KCNQ2: variants seen among roughly 807,000 people sequenced by gnomAD.
The protein encoded by KCNQ2 is potassium voltage-gated channel subfamily KQT member 2.
Under a neutral mutation model 84.8 loss-of-function variants are expected in KCNQ2, and 14 were observed. The ratio of observed to expected loss-of-function variants is 0.17; its 90% CI spans 0.11 to 0.26. The LOEUF (loss-of-function observed/expected upper bound fraction) is 0.26. Among genes scored for constraint, KCNQ2 ranks in the 10% least tolerant of loss-of-function variants. KCNQ2 has a pLI of 1.00. For missense variants in KCNQ2, 788 were observed against 1,254.0 expected, an observed-to-expected ratio of 0.63 and a Z score of 5.61; for synonymous variants, 599 against 554.1, an observed-to-expected ratio of 1.08 and a Z score of -1.14.
At chr20:63,430,237 C>T (rs576035611) in intron 9 of KCNQ2, among the ~76,000 whole-genome samples, 22 of 152,188 alleles carry the variant, frequency 1.4e-4, no homozygotes, top group Admixed American at 4.6e-4. Context: ...GGGGAGGGGG[C>T]GGCCCTGGGA....
chr20:63,469,783 A>G (rs6011847), intron 1 of KCNQ2, among the ~76,000 whole-genome samples: 146,192 of 152,370 alleles, frequency 0.96, 70,314 homozygotes, highest in East Asian at 1. Context: ...GCTGCCTAAC[A>G]CGCCACACGG....
chr20:63,443,027 A>ACCACCACCAAAAC (rs1440753484), intron 4 of KCNQ2, among the ~76,000 whole-genome samples: 1 of 29,398 alleles, frequency 3.4e-5, no homozygotes, highest in Non-Finnish European at 7.0e-5. Context: ...CACCACCATC[A>ACCACCACCAAAAC]CATCACCACC....
At chr20:63,453,056 C>G (rs1490290477) in intron 1 of KCNQ2, among the ~76,000 whole-genome samples, 2 of 152,040 alleles carry the variant, frequency 1.3e-5, no homozygotes, top group Non-Finnish European at 2.9e-5. Context: ...CCACGCTGCA[C>G]CCCTCCCCGC....
chr20:63,407,308 G>T lies in KCNQ2; in HGVS notation c.1955C>A (p.Pro652Gln), dbSNP rs770730662. Residue 652 changes from proline to glutamine, a missense_variant, in exon 17 of 17, where the codon CCG (proline) becomes CAG (glutamine). Coordinates refer to ENST00000359125, the MANE Select transcript of KCNQ2 (RefSeq NM_172107.4). The surrounding 1 kb of genome is among the most constrained non-coding windows in gnomAD (Gnocchi z 7.2). ...NIYMQRMGIP[P>Q]TETEAYFGAK... ...CCCAAAGTAGGCCTCGGTCTCTGTC[G>T]GGGGGATGCCCATCCGCTGCATGTA... The T allele has an allele frequency of 6.3e-7, 1 of 1,596,038 alleles. No individual in the cohort carries two copies. Among genetic ancestry groups the T allele is most frequent in the South Asian group, 1.1e-5 (1 of 90,948 alleles).
intron 15 of KCNQ2, among the ~76,000 whole-genome samples, chr20:63,413,054 C>T (rs765210963): frequency 2.0e-5 from 3 of 152,168 alleles, no homozygotes; most frequent in Non-Finnish European, 4.4e-5. Context: ...CACATGCACA[C>T]ATGTGTACAC....
At chr20:63,443,141 C>CCA (rs2081281409) in intron 4 of KCNQ2, among the ~76,000 whole-genome samples, 1 of 64,368 alleles carries the variant, frequency 1.6e-5, no homozygotes, top group Non-Finnish European at 3.0e-5. Flanking sequence ...ACCATCATCA[C>CCA]CACCACCATC....
At chr20:63,443,334 T>TCACCATCACCACCAC (rs2081300955) in intron 4 of KCNQ2, among the ~76,000 whole-genome samples, 1 of 40,190 alleles carries the variant, frequency 2.5e-5, no homozygotes, top group Non-Finnish European at 4.7e-5. Context: ...ACCATCACCA[T>TCACCATCACCACCAC]CACCACCATC....
In KCNQ2 at chr20:63,400,860, G is replaced by A. The variant is rs146233427; in HGVS notation, c.*5784C>T. Reference sequence around the variant, plus strand: ...AGCCCGTCCCTTGGGCCCCTCGCCCGCCCCACCTGTTCGCAGGGTCCAGGG... The same window carrying A: ...AGCCCGTCCCTTGGGCCCCTCGCCCACCCCACCTGTTCGCAGGGTCCAGGG... On this transcript the variant is annotated 3_prime_UTR_variant, in exon 17 of 17. Coordinates refer to ENST00000359125, the MANE Select transcript of KCNQ2 (RefSeq NM_172107.4). This position sits in a 1 kb window ranked among gnomAD's most constrained non-coding sequence, Gnocchi z 8.7. The A allele has an allele frequency of 9.7e-4, 388 of 398,428 alleles. 2 individuals are homozygous for A. Among genetic ancestry groups the A allele is most frequent in the African/African-American group, 3.5e-3 (173 of 48,752 alleles). 24.7% of individuals were successfully genotyped at this position (398,428 alleles called of 1,614,324 possible).
intron 3 of KCNQ2, 128 bp from the exon 4 acceptor site, chr20:63,444,962 TG>T: frequency 8.8e-7 from 1 of 1,138,058 alleles, no homozygotes; most frequent in Non-Finnish European, 1.2e-6. Context: ...GCGCCTGGTG[TG>T]GGCTCTGTCA....
At chr20:63,462,220 T>A (rs1424018764) in intron 1 of KCNQ2, among the ~76,000 whole-genome samples, 1 of 115,348 alleles carries the variant, frequency 8.7e-6, no homozygotes, top group East Asian at 2.6e-4. Flanking sequence ...GGGAGGAGGC[T>A]GCATCTACCC....
At chr20:63,462,474 C>T (rs2081982942) in intron 1 of KCNQ2, among the ~76,000 whole-genome samples, 1 of 152,180 alleles carries the variant, frequency 6.6e-6, no homozygotes, top group African/African-American at 2.4e-5. Flanking sequence ...ACATCAACCA[C>T]CTGAGCAGCA....
intron 7 of KCNQ2, chr20:63,437,451 A>G (rs2081040339): frequency 6.6e-6 from 1 of 152,262 alleles, no homozygotes; most frequent in Non-Finnish European, 1.5e-5. Flanking sequence ...AGATAAATAC[A>G]CACCTTAAGG....
chr20:63,409,606 A>G (rs1052701728), intron 15 of KCNQ2, among the ~76,000 whole-genome samples: 1 of 152,234 alleles, frequency 6.6e-6, no homozygotes, highest in African/African-American at 2.4e-5. Flanking sequence ...GGTGTGGCTG[A>G]GCAGGACCCA....
At chr20:63,454,166 G>A (rs532814089) in intron 1 of KCNQ2, among the ~76,000 whole-genome samples, 19 of 152,234 alleles carry the variant, frequency 1.2e-4, no homozygotes, top group African/African-American at 4.6e-4. Context: ...GATGAATCTC[G>A]CAGCCAGGCC....
intron 4 of KCNQ2, among the ~76,000 whole-genome samples, chr20:63,443,185 TCAC>T (rs201627426): frequency 0.094 from 6,176 of 65,502 alleles, 490 homozygotes; most frequent in East Asian, 0.47. Context: ...ACCATCACCA[TCAC>T]CACCACCACC....
chr20:63,421,198 C>CCCGGG (rs1288964387), intron 11 of KCNQ2, among the ~76,000 whole-genome samples: 1 of 152,264 alleles, frequency 6.6e-6, no homozygotes, highest in Non-Finnish European at 1.5e-5. Flanking sequence ...AGAGGCCCCT[C>CCCGGG]CCGGGCCGGC....
In KCNQ2 at chr20:63,440,038, T is replaced by C. The variant is rs550665228; in HGVS notation, c.817-330A>G. On this transcript the variant is annotated intron_variant, in intron 5 of 16. Transcript: ENST00000359125. Reference sequence around the variant, plus strand: ...CACTGCATCCCCGCCAGGTGAAGAGTGCAGCTGGGGAGAAGGGAGTGCCCA... The same window carrying C: ...CACTGCATCCCCGCCAGGTGAAGAGCGCAGCTGGGGAGAAGGGAGTGCCCA... Among the ~76,000 whole-genome samples, 3 of 151,640 alleles carry C rather than the reference T, an allele frequency of 2.0e-5. No individual in the cohort carries two copies. The East Asian group carries it at 5.9e-4, about 30-fold the overall frequency.
At chr20:63,461,923 C>A (rs74662710) in intron 1 of KCNQ2, among the ~76,000 whole-genome samples, 1 of 101,850 alleles carries the variant, frequency 9.8e-6, no homozygotes, top group African/African-American at 4.7e-5. Context: ...GGAGGCTGCA[C>A]CTACCCCAGG....
At chr20:63,454,465 G>T (rs577475394) in intron 1 of KCNQ2, among the ~76,000 whole-genome samples, 1 of 152,238 alleles carries the variant, frequency 6.6e-6, no homozygotes, top group Non-Finnish European at 1.5e-5. Flanking sequence ...GTCTGGGCCC[G>T]TCTGGGGGAC....
Sources: allele counts gnomAD v4.1 joint callset (sites outside exome capture counted in the v4.1 genomes callset), GRCh38; gene constraint gnomAD v4.1.1; non-coding constraint Gnocchi (gnomAD v3.1); transcripts MANE v1.5; gene names NCBI Gene and HGNC (gene_info 2026-07-23, HGNC 2026-07-21).